The following TPO variants were observed in gnomAD, a reference collection of about 807,000 sequenced individuals.
The protein encoded by TPO is thyroid peroxidase.
Under a neutral mutation model 96.9 loss-of-function variants are expected in TPO, and 78 were observed. The observed-to-expected ratio is 0.81, with a 90% CI of 0.67 to 0.97. The LOEUF (loss-of-function observed/expected upper bound fraction) is 0.97, where lower values mean the gene tolerates loss of function less well. Among genes scored for constraint, TPO ranks in the 50% least tolerant of loss-of-function variants. The pLI, the probability that TPO is intolerant of heterozygous loss-of-function variation, is 0.00. For synonymous variants in TPO, 547 were observed against 538.0 expected (o/e 1.02, Z -0.23); for missense variants, 1,252 against 1,274.8 (o/e 0.98, Z 0.27).
chr2:1,413,560 CT>C lies in TPO; in HGVS notation c.-2+20del. 1 of 651,994 alleles carries C rather than the reference CT, an allele frequency of 1.5e-6. No homozygotes were observed. Among genetic ancestry groups the C allele is most frequent in the Non-Finnish European group, 1.9e-6 (1 of 525,334 alleles). The allele number at this position is 651,994 out of a possible 1,614,324, so 40.4% of individuals were successfully genotyped here. On this transcript the variant is annotated intron_variant, in intron 1 of 16. Coordinates refer to ENST00000329066, the MANE Select transcript of TPO (RefSeq NM_001206744.2). ...GAGGAAAAAAGGTCAGGTTGTAAAG[CT>C]TTTTATTTTTCCATTTTCTAAGAGA...
chr2:1,436,150 C>G, intron 4 of TPO, 102 bp from the exon 5 acceptor site: 1 of 1,585,558 alleles, frequency 6.3e-7, no homozygotes, highest in African/African-American at 1.3e-5. Flanking sequence ...CATATGAATC[C>G]CAAATTCAGA....
At chr2:1,527,893 T>A (rs1171704668) in intron 15 of TPO, among the ~76,000 whole-genome samples, 2 of 82,356 alleles carry the variant, frequency 2.4e-5, no homozygotes, top group East Asian at 5.1e-4. Flanking sequence ...CCCCACTGCG[T>A]GCAACCTCCT....
intron 14 of TPO, among the ~76,000 whole-genome samples, chr2:1,504,743 A>G (rs1673231826): frequency 6.6e-6 from 1 of 152,182 alleles, no homozygotes; most frequent in Non-Finnish European, 1.5e-5. Flanking sequence ...AGAGGATACT[A>G]GTGATAAGAG....
intron 7 of TPO, among the ~76,000 whole-genome samples, chr2:1,461,098 G>T (rs1055471055): frequency 6.6e-6 from 1 of 152,154 alleles, no homozygotes; most frequent in Admixed American, 6.5e-5. Context: ...TAGCCCTGAG[G>T]CCAGACAAGG....
intron 8 of TPO, among the ~76,000 whole-genome samples, chr2:1,479,308 G>T (rs778630419): frequency 6.6e-6 from 1 of 152,180 alleles, no homozygotes; most frequent in Non-Finnish European, 1.5e-5. Context: ...CGACCTCCAC[G>T]GGCAGATGTT....
At chr2:1,529,469 T>G (rs1169408803) in intron 15 of TPO, among the ~76,000 whole-genome samples, 1 of 23,016 alleles carries the variant, frequency 4.3e-5, no homozygotes, top group East Asian at 1.9e-3. Flanking sequence ...AATCTCCCCA[T>G]ATCCCCCCAC....
chr2:1,387,984 C>T (rs1661929145), intron 1 of TPO, among the ~76,000 whole-genome samples: 1 of 152,198 alleles, frequency 6.6e-6, no homozygotes, highest in Non-Finnish European at 1.5e-5. Flanking sequence ...CCTCCAGACC[C>T]TGTTTGCCTG....
At chr2:1,494,357 C>G (rs1032687225) in intron 11 of TPO, among the ~76,000 whole-genome samples, 47 of 152,352 alleles carry the variant, frequency 3.1e-4, no homozygotes, top group Middle Eastern at 6.8e-3. Context: ...GACTGCATCC[C>G]ATCCCTCACG....
At chr2:1,409,135 G>C (rs1381994718), upstream of TPO, among the ~76,000 whole-genome samples, 3 of 152,092 alleles carry the variant, frequency 2.0e-5, no homozygotes, top group Admixed American at 6.5e-5. Flanking sequence ...GGGACAGACT[G>C]CCGTCCCCAG....
intron 15 of TPO, among the ~76,000 whole-genome samples, chr2:1,532,568 A>AGT (rs1678553218): frequency 2.5e-5 from 1 of 39,702 alleles, no homozygotes; most frequent in Non-Finnish European, 4.8e-5. Context: ...AAATCCCCCC[A>AGT]ACTGTGTGCG....
rs908462025 is a variant in TPO, at chr2:1,542,818, C to G, written c.*344C>G. On this transcript the variant is annotated 3_prime_UTR_variant, in exon 17 of 17. Coordinates refer to ENST00000329066, the MANE Select transcript of TPO (RefSeq NM_001206744.2). ...ATCTCTGATGCCGTGCTCGTCTGCA[C>G]TCTGCCCCGGCGGTCCCTCCAGCAC... The G allele has an allele frequency of 8.3e-6, 4 of 482,390 alleles. No homozygotes were observed. Among genetic ancestry groups the G allele is most frequent in the Non-Finnish European group, 1.5e-5 (4 of 275,626 alleles). The allele number at this position is 482,390 out of a possible 1,614,324, so 29.9% of individuals were successfully genotyped here.
intron 5 of TPO, 152 bp downstream of exon 5, chr2:1,436,536 T>G (rs1180923376): frequency 1.3e-5 from 15 of 1,186,026 alleles, no homozygotes; most frequent in African/African-American, 3.0e-5. Context: ...CATGGCCTCC[T>G]GCATGCCTGG....
intron 15 of TPO, among the ~76,000 whole-genome samples, chr2:1,523,048 A>ACC (rs1675532267): frequency 7.1e-5 from 2 of 28,262 alleles, no homozygotes; most frequent in African/African-American, 1.4e-4. Flanking sequence ...AAATCTCCCC[A>ACC]ACTGTGTGCA....
chr2:1,521,588 C>T (rs1037216892), intron 15 of TPO, among the ~76,000 whole-genome samples: 2 of 152,152 alleles, frequency 1.3e-5, no homozygotes, highest in African/African-American at 4.8e-5. Flanking sequence ...ATCTGAACTG[C>T]ATGTTGATGA....
Position 1,484,762 on chromosome 2 carries a change from G to A in TPO, c.1505G>A (p.Arg502Lys), listed in dbSNP as rs200327244. 1.9e-6 allele frequency: 3 copies of A among 1,614,126 alleles called. No individual in the cohort carries two copies. The African/African-American group carries it at 4.0e-5, about 22-fold the overall frequency. Residue 502 changes from arginine to lysine, a missense_variant, in exon 9 of 17, where the codon AGG (arginine) becomes AAG (lysine). By Grantham distance (26) the Arg-to-Lys change is conservative (BLOSUM62 2). Transcript: ENST00000329066. ...CATGCCACGATCCACCCGCTGGTGAGGAGGCTGGACGCCAGCTTCCAGGAG... is the reference window on the plus strand; with the variant it reads ...CATGCCACGATCCACCCGCTGGTGAAGAGGCTGGACGCCAGCTTCCAGGAG... ...FGHATIHPLV[R>K]RLDASFQEHP...
intron 10 of TPO, 142 bp from the exon 11 acceptor site, chr2:1,493,660 G>A (rs1392146589): frequency 3.1e-6 from 3 of 968,686 alleles, no homozygotes; most frequent in East Asian, 5.1e-5. Context: ...TCCTAGCCTG[G>A]CAAACTGCCA....
At chr2:1,482,087 G>A (rs950522693) in intron 8 of TPO, among the ~76,000 whole-genome samples, 5 of 152,250 alleles carry the variant, frequency 3.3e-5, no homozygotes, top group African/African-American at 1.2e-4. Context: ...AAAATGCTGA[G>A]TGATGTTCTG....
intron 13 of TPO, among the ~76,000 whole-genome samples, chr2:1,503,447 A>G (rs182372278): frequency 2.6e-5 from 4 of 152,342 alleles, no homozygotes; most frequent in Admixed American, 2.6e-4. Flanking sequence ...GGGATGAGAT[A>G]CTAGGTTGTA....
intron 15 of TPO, among the ~76,000 whole-genome samples, chr2:1,529,903 G>C: frequency 9.7e-6 from 1 of 103,296 alleles, no homozygotes; most frequent in Non-Finnish European, 1.8e-5. Context: ...CTCCCACTCT[G>C]TGCAAACTCC....
Sources: gnomAD v4.1 joint callset for allele counts (sites outside exome capture counted in the v4.1 genomes callset) on GRCh38, gnomAD v4.1.1 for gene constraint, MANE v1.5 for transcripts, NCBI Gene and HGNC (gene_info 2026-07-23, HGNC 2026-07-21) for gene names.